The following DBH variants were observed in gnomAD, a reference collection of about 807,000 sequenced individuals.
The protein encoded by DBH is dopamine beta-hydroxylase (dopamine beta-monooxygenase).
In DBH, 49 loss-of-function variants were observed where a neutral mutation model predicts 64.0. The observed-to-expected ratio is 0.77, with a 90% CI of 0.61 to 0.97. The LOEUF (loss-of-function observed/expected upper bound fraction) is 0.97. Ranked by LOEUF, DBH falls within the 50% of genes least tolerant of loss-of-function variation. The pLI is 0.00. For synonymous variants in DBH, 343 were observed against 347.1 expected (o/e 0.99, Z 0.13); for missense variants, 828 against 826.6 (o/e 1.00, Z -0.02).
rs999366669 is a variant in DBH at position 133,658,510 on chromosome 9, C to T, written c.*63C>T. On this transcript the variant is annotated 3_prime_UTR_variant, in exon 12 of 12. Transcript: ENST00000393056. ...TGTGGGCTCACACCGGCACTGTGCACTCTACTCTGCGACGATCCCCATGGA... is the reference window on the plus strand; with the variant it reads ...TGTGGGCTCACACCGGCACTGTGCATTCTACTCTGCGACGATCCCCATGGA... 4 of 1,504,240 alleles carry T rather than the reference C, an allele frequency of 2.7e-6. No individual in the cohort carries two copies. Among genetic ancestry groups the T allele is most frequent in the South Asian group, 1.3e-5 (1 of 75,286 alleles). 93.2% of individuals were successfully genotyped at this position (1,504,240 alleles called of 1,614,324 possible). A position where few individuals can be genotyped will look rare whatever the true frequency, so the allele number is the denominator to read the frequency against.
chr9:133,648,614 G>GT (rs1832210689), intron 6 of DBH, among the ~76,000 whole-genome samples: 1 of 152,252 alleles, frequency 6.6e-6, no homozygotes, highest in Non-Finnish European at 1.5e-5. Flanking sequence ...GCAGGACTAG[G>GT]TGAGGCAGTG....
chr9:133,658,580 C>A lies in DBH; in HGVS notation c.*133C>A. The A allele has an allele frequency of 1.9e-6, 2 of 1,048,958 alleles. No individual in the cohort carries two copies. The highest frequency in any genetic ancestry group is 1.6e-5 in the African/African-American group (1 of 62,062). The allele number at this position is 1,048,958 out of a possible 1,614,324, so 65.0% of individuals were successfully genotyped here. ...ATGAAGGGGCCAGACCACGCCCCTG[C>A]CTGAGACCACGGTCCAATCCAGCCT... is the stretch of plus-strand genomic sequence containing the variant. On this transcript the variant is annotated 3_prime_UTR_variant, in exon 12 of 12. Transcript: ENST00000393056.
intron 2 of DBH, among the ~76,000 whole-genome samples, chr9:133,641,967 G>C (rs1381935771): frequency 6.6e-6 from 1 of 152,220 alleles, no homozygotes; most frequent in African/African-American, 2.4e-5. Context: ...AATGTAGGTG[G>C]AATGTGTTTA....
At chr9:133,646,157 CTTTT>C (rs945548464) in intron 5 of DBH, among the ~76,000 whole-genome samples, 1 of 151,568 alleles carries the variant, frequency 6.6e-6, no homozygotes, top group African/African-American at 2.4e-5. Flanking sequence ...AATTTTATAT[CTTTT>C]TTTTTCATTG....
intron 2 of DBH, among the ~76,000 whole-genome samples, chr9:133,640,605 C>G (rs1242457294): frequency 2.0e-5 from 3 of 152,262 alleles, no homozygotes; most frequent in African/African-American, 7.2e-5. Flanking sequence ...GAAGACAAAA[C>G]TCTTTTAACT....
intron 2 of DBH, among the ~76,000 whole-genome samples, chr9:133,641,329 C>T (rs1304864189): frequency 6.6e-6 from 1 of 152,140 alleles, no homozygotes; most frequent in Non-Finnish European, 1.5e-5. Flanking sequence ...GGTTGTTGAG[C>T]CCTTACCCTG....
At chr9:133,649,462 T>C (rs570416355) in intron 6 of DBH, among the ~76,000 whole-genome samples, 36 of 152,212 alleles carry the variant, frequency 2.4e-4, no homozygotes, top group Non-Finnish European at 4.9e-4. Flanking sequence ...GCTGTGGCCG[T>C]GACAGCAGAT....
chr9:133,658,237 T>G, intron 11 of DBH, 79 bp from the exon 12 acceptor site: 46 of 1,573,096 alleles, frequency 2.9e-5, no homozygotes, highest in Non-Finnish European at 3.9e-5. Context: ...ATCCAAGAGG[T>G]GGCTGGGAAG....
At position 133,652,886 on chromosome 9, in the gene DBH, G is replaced by A. The variant is rs129909; in HGVS notation, c.1375-54G>A. 15,801 of 1,377,222 alleles carry A rather than the reference G, an allele frequency of 0.011. 1,053 individuals carry two copies. In the African/African-American group the frequency reaches 0.16, roughly 14 times the overall value. The allele number at this position is 1,377,222 out of a possible 1,614,324, so 85.3% of individuals were successfully genotyped here. ...TGGTCCTATGGGGGCGAGGCCTCCA[G>A]CACCTGCCAACGCCAGGTGGCAGGT... On this transcript the variant is annotated intron_variant, in intron 8 of 11. Transcript: ENST00000393056.
chr9:133,651,727 C>A lies in DBH; in HGVS notation c.1285C>A (p.Arg429=), dbSNP rs201083106. ...GGTCACAGTGCTGGTCCGGGACGGCCGGGAGTGGGAGATCGTGAACCAGGA... is the reference window on the plus strand; with the variant it reads ...GGTCACAGTGCTGGTCCGGGACGGCAGGGAGTGGGAGATCGTGAACCAGGA... ...KVVTVLVRDG[R]EWEIVNQDNH... is the part of the protein sequence containing the mutation. The change falls in exon 7 of 12, where the codon CGG becomes AGG. Residue 429 remains arginine, a synonymous_variant. Transcript: ENST00000393056. 2 of 1,613,842 alleles carry A rather than the reference C, an allele frequency of 1.2e-6. No homozygotes were observed. Among genetic ancestry groups the A allele is most frequent in the Non-Finnish European group, 1.7e-6 (2 of 1,179,980 alleles).
chr9:133,649,922 G>A (rs961076808), intron 6 of DBH, among the ~76,000 whole-genome samples: 1 of 152,250 alleles, frequency 6.6e-6, no homozygotes, highest in African/African-American at 2.4e-5. Context: ...GAATGAGAAT[G>A]TTCAGTCTTG....
At chr9:133,641,053 T>C (rs1306657739) in intron 2 of DBH, among the ~76,000 whole-genome samples, 1 of 152,080 alleles carries the variant, frequency 6.6e-6, no homozygotes, top group African/African-American at 2.4e-5. Flanking sequence ...GGATATGGGC[T>C]TGGGACGGGT....
At position 133,651,623 on chromosome 9, in the gene DBH, C is replaced by T. The variant is rs900921097; in HGVS notation, c.1192-11C>T. 5.6e-6 allele frequency: 9 copies of T among 1,613,108 alleles called. No individual in the cohort carries two copies. The highest frequency in any genetic ancestry group is 2.2e-5 in the South Asian group (2 of 91,044). On this transcript the variant is annotated splice_polypyrimidine_tract_variant and intron_variant, in intron 6 of 11. Coordinates refer to ENST00000393056, the MANE Select transcript of DBH (RefSeq NM_000787.4). ...GTCAGGCCCTGACACTGCAGCCCCC[C>T]GACCCCACAGGCACTGCCTCCCTCC...
Position 133,647,964 on chromosome 9 carries a change from G to T in DBH, c.1143G>T (p.Glu381Asp). The T allele has an allele frequency of 6.2e-7, 1 of 1,613,968 alleles. No homozygotes were observed. Residue 381 changes from glutamate to aspartate, a missense_variant, in exon 6 of 12, where the codon GAG (glutamate) becomes GAT (aspartate). Physicochemically the swap from Glu to Asp is conservative, Grantham distance 45. Coordinates refer to ENST00000393056, the MANE Select transcript of DBH (RefSeq NM_000787.4). Reference protein sequence around the residue: ...YTPVMAIPPRETAFILTGYCT... With the variant: ...YTPVMAIPPRDTAFILTGYCT... Reference sequence around the variant, plus strand: ...CAGTGATGGCCATTCCACCACGGGAGACCGCCTTCATCCTCACTGGCTACT... The same window carrying T: ...CAGTGATGGCCATTCCACCACGGGATACCGCCTTCATCCTCACTGGCTACT...
At chr9:133,640,419 C>CG (rs992718628) in intron 2 of DBH, among the ~76,000 whole-genome samples, 1 of 152,190 alleles carries the variant, frequency 6.6e-6, no homozygotes, top group African/African-American at 2.4e-5. Flanking sequence ...AACTGCCCCC[C>CG]TCCTCTGGAC....
At chr9:133,656,767 T>C (rs1338952463) in intron 10 of DBH, 117 bp downstream of exon 10, 45 of 1,326,230 alleles carry the variant, frequency 3.4e-5, no homozygotes, top group Non-Finnish European at 4.5e-5. Context: ...AGCAGAGACC[T>C]GTGGCGGCAT....
At position 133,644,199 on chromosome 9, in the gene DBH, G is replaced by C; in HGVS notation, c.922-19G>C. On this transcript the variant is annotated intron_variant, in intron 4 of 11. Transcript: ENST00000393056. ...CCTCTCAGGACACACCCGTCTGTCTGACACCTTGCCCCACACAGGCATTTT... is the reference window on the plus strand; with the variant it reads ...CCTCTCAGGACACACCCGTCTGTCTCACACCTTGCCCCACACAGGCATTTT... 6.3e-7 allele frequency: 1 copy of C among 1,597,594 alleles called. No individual in the cohort carries two copies.
rs1417187416 is a variant in DBH, at chr9:133,652,201, C to A, written c.1336-45C>A. On this transcript the variant is annotated intron_variant, in intron 7 of 11. Transcript: ENST00000393056. ...GTGGCCGGGGGTCTGGTCTGCAGCTCTCTGAGGTCTCCTCTCCCCCACCCC... is the reference window on the plus strand; with the variant it reads ...GTGGCCGGGGGTCTGGTCTGCAGCTATCTGAGGTCTCCTCTCCCCCACCCC... 2.5e-6 allele frequency: 4 copies of A among 1,612,632 alleles called. No individual in the cohort carries two copies. In the South Asian group the frequency reaches 4.4e-5, roughly 18 times the overall value.
At position 133,656,071 on chromosome 9, in the gene DBH, G is replaced by C. The variant is rs1832313696; in HGVS notation, c.1435-452G>C. ...TGGTGGACGGTGCGGGGCTGCAGTG[G>C]AAAGGGCCTCCCTTGCAGTCCTTGG... On this transcript the variant is annotated intron_variant, in intron 9 of 11. Transcript: ENST00000393056. 9.9e-6 allele frequency: 3 copies of C among 303,410 alleles called. No homozygotes were observed. In the Admixed American group the frequency reaches 1.3e-4, roughly 14 times the overall value. The allele number at this position is 303,410 out of a possible 1,614,324, so 18.8% of individuals were successfully genotyped here. A position where few individuals can be genotyped will look rare whatever the true frequency, so the allele number is the denominator to read the frequency against.
Sources: gnomAD v4.1 joint callset for allele counts (sites outside exome capture counted in the v4.1 genomes callset) on GRCh38, gnomAD v4.1.1 for gene constraint, MANE v1.5 for transcripts, NCBI Gene and HGNC (gene_info 2026-07-23, HGNC 2026-07-21) for gene names.